The following ARIH1 variants were observed in gnomAD, a reference collection of about 807,000 sequenced individuals.
The protein encoded by ARIH1 is E3 ubiquitin-protein ligase ARIH1.
In ARIH1, 8 loss-of-function variants were observed where a neutral mutation model predicts 85.0. That is an observed-to-expected ratio of 0.09 (90% CI 0.06 to 0.17). The LOEUF is 0.17. ARIH1 is among the 10% of genes least tolerant of loss of function. ARIH1 has a pLI of 1.00. For synonymous variants in ARIH1, 238 were observed against 253.6 expected, an observed-to-expected ratio of 0.94 and a Z score of 0.59; for missense variants, 311 against 718.1, an observed-to-expected ratio of 0.43 and a Z score of 6.48.
chr15:72,570,456 C>T, intron 10 of ARIH1, 149 bp downstream of exon 10: 1 of 982,162 alleles, frequency 1.0e-6, no homozygotes, highest in Non-Finnish European at 1.5e-6. Flanking sequence ...CTATGCAAGA[C>T]ATAGAGGGAT....
intron 1 of ARIH1, among the ~76,000 whole-genome samples, chr15:72,506,843 T>C (rs1435551744): frequency 6.6e-6 from 1 of 151,944 alleles, no homozygotes; most frequent in Non-Finnish European, 1.5e-5. Flanking sequence ...GTGGTTTTTT[T>C]TTGTTTTTTT....
chr15:72,541,786 C>T (rs529924680), intron 2 of ARIH1, among the ~76,000 whole-genome samples: 1 of 152,302 alleles, frequency 6.6e-6, no homozygotes, highest in East Asian at 1.9e-4. Flanking sequence ...GTGCTTGTAA[C>T]ATGCCTGTAG....
In ARIH1 at chr15:72,582,024, T is replaced by A. The variant is rs780716280; in HGVS notation, c.1477-51T>A. ...AGTCAACAAAACAGTGAAAATGGTT[T>A]ATCTTTTAGCTTTATTTTGAAGCCA... On this transcript the variant is annotated intron_variant, in intron 12 of 13. Coordinates refer to ENST00000379887, the MANE Select transcript of ARIH1 (RefSeq NM_005744.5). This position sits in a 1 kb window ranked among gnomAD's most constrained non-coding sequence, Gnocchi z 4.6. 1.1e-5 allele frequency: 14 copies of A among 1,296,098 alleles called. No individual in the cohort carries two copies. Among genetic ancestry groups the A allele is most frequent in the Non-Finnish European group, 1.6e-5 (14 of 902,840 alleles). 80.3% of individuals were successfully genotyped at this position (1,296,098 alleles called of 1,614,324 possible). A position where few individuals can be genotyped will look rare whatever the true frequency, so the allele number is the denominator to read the frequency against.
chr15:72,508,156 G>C (rs896012071), intron 1 of ARIH1, among the ~76,000 whole-genome samples: 3 of 152,210 alleles, frequency 2.0e-5, no homozygotes, highest in African/African-American at 7.2e-5. Context: ...GAATGGACAG[G>C]GGTGGGTGGT....
intron 1 of ARIH1, among the ~76,000 whole-genome samples, chr15:72,516,643 G>A (rs2063976289): frequency 6.6e-6 from 1 of 152,144 alleles, no homozygotes; most frequent in Non-Finnish European, 1.5e-5. Context: ...ACCTAGATTA[G>A]CAAAATGTAC....
At chr15:72,573,696 TATA>T (rs1184953403) in intron 11 of ARIH1, among the ~76,000 whole-genome samples, 1 of 151,648 alleles carries the variant, frequency 6.6e-6, no homozygotes, top group Non-Finnish European at 1.5e-5. Context: ...TTATATTTAT[TATA>T]ATATTATTTA....
Position 72,584,648 on chromosome 15 carries a change from C to T in ARIH1, c.*1356C>T, listed in dbSNP as rs1364796824. 6.6e-6 allele frequency: 1 copy of T among 151,910 alleles called. No individual in the cohort carries two copies. The highest frequency in any genetic ancestry group is 1.5e-5 in the Non-Finnish European group (1 of 67,992). 9.4% of individuals were successfully genotyped at this position (151,910 alleles called of 1,614,324 possible). A position where few individuals can be genotyped will look rare whatever the true frequency, so the allele number is the denominator to read the frequency against. On this transcript the variant is annotated 3_prime_UTR_variant, in exon 14 of 14. Coordinates refer to ENST00000379887, the MANE Select transcript of ARIH1 (RefSeq NM_005744.5). Reference sequence around the variant, plus strand: ...GCAAACACCCCTAGAACATGATATTCCCATCTAGTGCATTTAAATAGAAAT... The same window carrying T: ...GCAAACACCCCTAGAACATGATATTTCCATCTAGTGCATTTAAATAGAAAT...
At chr15:72,494,830 A>G (rs907783847) in intron 1 of ARIH1, among the ~76,000 whole-genome samples, 2 of 151,926 alleles carry the variant, frequency 1.3e-5, no homozygotes, top group African/African-American at 4.8e-5. Flanking sequence ...TATTAGGAAA[A>G]AAAAAAAAAA....
chr15:72,528,986 G>T (rs1447380016), intron 2 of ARIH1, among the ~76,000 whole-genome samples: 1 of 152,164 alleles, frequency 6.6e-6, no homozygotes, highest in East Asian at 1.9e-4. Flanking sequence ...GGATCATGAG[G>T]TCAGGAGATC....
intron 1 of ARIH1, among the ~76,000 whole-genome samples, chr15:72,475,482 C>A (rs1161257743): frequency 2.0e-5 from 3 of 152,132 alleles, no homozygotes; most frequent in African/African-American, 7.2e-5. Context: ...TGTACAGTTG[C>A]CCCAAGTGGG....
rs1399765965 is a variant in ARIH1, at chr15:72,482,852, T to TG, written c.375+7838_375+7839insG. On this transcript the variant is annotated intron_variant, in intron 1 of 13. Coordinates refer to ENST00000379887, the MANE Select transcript of ARIH1 (RefSeq NM_005744.5). ...TTCTCTCTCTCTCTTTTTTTTTTTTTTTTTTAAAGACAGAGGCTTGCTGTG... is the reference window on the plus strand; with the variant it reads ...TTCTCTCTCTCTCTTTTTTTTTTTTTGTTTTTAAAGACAGAGGCTTGCTGTG... 5.3e-5 allele frequency among the ~76,000 whole-genome samples: 8 copies of TG among 150,876 alleles called. No homozygotes were observed. The East Asian group carries it at 1.6e-3, about 29-fold the overall frequency.
At position 72,555,376 on chromosome 15, in the gene ARIH1, A is replaced by G. The variant is rs1567354913; in HGVS notation, c.681+13A>G. On this transcript the variant is annotated intron_variant, in intron 4 of 13. Transcript: ENST00000379887. ...AGGCATGGGTCAGGTAAAGATATCA[A>G]GTTGTTTTTCAGTTTTTGTTGAATT... The G allele has an allele frequency of 6.3e-7, 1 of 1,598,128 alleles. No individual in the cohort carries two copies. Among genetic ancestry groups the G allele is most frequent in the African/African-American group, 1.3e-5 (1 of 74,686 alleles).
rs563626277 is a variant in ARIH1 at position 72,496,952 on chromosome 15, A to G, written c.376-21115A>G. 1.1e-4 allele frequency: 62 copies of G among 542,542 alleles called. 1 individual carries two copies. Among genetic ancestry groups the G allele is most frequent in the African/African-American group, 1.1e-3 (53 of 48,742 alleles). 33.6% of individuals were successfully genotyped at this position (542,542 alleles called of 1,614,324 possible). A position where few individuals can be genotyped will look rare whatever the true frequency, so the allele number is the denominator to read the frequency against. On this transcript the variant is annotated intron_variant, in intron 1 of 13. Transcript: ENST00000379887. ...TTGGCAACCAGTACCTCATTATTTAAGGGCACATCATTTATCCTATAAATC... is the reference window on the plus strand; with the variant it reads ...TTGGCAACCAGTACCTCATTATTTAGGGGCACATCATTTATCCTATAAATC...
chr15:72,487,268 C>T (rs2063841347), intron 1 of ARIH1, among the ~76,000 whole-genome samples: 1 of 152,062 alleles, frequency 6.6e-6, no homozygotes. Context: ...AGCTATCATC[C>T]TAGACACTTC....
intron 1 of ARIH1, among the ~76,000 whole-genome samples, chr15:72,485,545 A>G (rs1377517678): frequency 1.3e-5 from 2 of 152,164 alleles, no homozygotes; most frequent in African/African-American, 4.8e-5. Flanking sequence ...TTTAATGGAA[A>G]GAAAATCTAC....
At position 72,602,783 on chromosome 15, in the gene ARIH1, T is replaced by G. The variant is rs1567367483; in HGVS notation, c.*19491T>G. On this transcript the variant is annotated 3_prime_UTR_variant, in exon 14 of 14. Transcript: ENST00000379887. ...CTTTCTCCCAGGAAACGTTCTGACC[T>G]TACCCTGGTCCCTCAAGGACTCTCC... 2 of 152,162 alleles carry G rather than the reference T, an allele frequency of 1.3e-5. No individual in the cohort carries two copies. The highest frequency in any genetic ancestry group is 1.3e-4 in the Admixed American group (2 of 15,276). 9.4% of individuals were successfully genotyped at this position (152,162 alleles called of 1,614,324 possible).
At chr15:72,485,633 T>G (rs2063834746) in intron 1 of ARIH1, among the ~76,000 whole-genome samples, 1 of 152,160 alleles carries the variant, frequency 6.6e-6, no homozygotes, top group Non-Finnish European at 1.5e-5. Context: ...AACTATCATT[T>G]TGGAATCCTG....
intron 2 of ARIH1, among the ~76,000 whole-genome samples, chr15:72,521,629 A>C (rs915909347): frequency 6.6e-6 from 1 of 151,570 alleles, no homozygotes; most frequent in Admixed American, 6.6e-5. Flanking sequence ...GCTCACTGCA[A>C]CCTCCGCCTT....
In ARIH1 at chr15:72,477,347, T is replaced by A. The variant is rs2063798763; in HGVS notation, c.375+2333T>A. On this transcript the variant is annotated intron_variant, in intron 1 of 13. Transcript: ENST00000379887. The stretch of plus-strand genomic sequence containing the variant: ...TTGGAAATAGCAGTTATCTAGGTTT[T>A]TAATGTTGGTTTGATAAACACTGAA... Among the ~76,000 whole-genome samples, 3 of 152,218 alleles carry A rather than the reference T, an allele frequency of 2.0e-5. No homozygotes were observed. In the South Asian group the frequency reaches 6.2e-4, roughly 31 times the overall value.
Sources: gnomAD v4.1 joint callset for allele counts (sites outside exome capture counted in the v4.1 genomes callset) on GRCh38, gnomAD v4.1.1 for gene constraint, Gnocchi (gnomAD v3.1) non-coding constraint, MANE v1.5 for transcripts, NCBI Gene and HGNC (gene_info 2026-07-23, HGNC 2026-07-21) for gene names.